Variants in ZNFX1 observed in about 807,000 individuals in gnomAD.
ZNFX1 encodes zinc finger NFX1-type containing 1, also known as NFX1-type zinc finger-containing protein 1.
A neutral mutation model predicts 179.8 loss-of-function variants in ZNFX1; 78 were observed. The ratio of observed to expected loss-of-function variants is 0.43; its 90% CI spans 0.36 to 0.52. ZNFX1 has a LOEUF of 0.52. Ranked by LOEUF, ZNFX1 falls within the 20% of genes least tolerant of loss-of-function variation. The pLI is 0.00. For missense variants in ZNFX1, 1,927 were observed against 2,386.6 expected (o/e 0.81, Z 4.01); for synonymous variants, 848 against 868.5 (o/e 0.98, Z 0.42).
chr20:49,253,530 T>C (rs986703467), intron 11 of ZNFX1, 136 bp downstream of exon 11: 22 of 1,031,232 alleles, frequency 2.1e-5, no homozygotes, highest in Non-Finnish European at 3.1e-5. Flanking sequence ...AGACTGAACG[T>C]GGGAGGTGAA....
At position 49,271,503 on chromosome 20, in the gene ZNFX1, G is replaced by A. The variant is rs1003431516; in HGVS notation, c.309C>T (p.Thr103=). 1 of 1,614,126 alleles carries A rather than the reference G, an allele frequency of 6.2e-7. No homozygotes were observed. The highest frequency in any genetic ancestry group is 1.3e-5 in the African/African-American group (1 of 75,032). ...RDQRHDQEND[T]RWRNGNQDCR... The stretch of plus-strand genomic sequence containing the variant: ...AGTCCTGGTTGCCATTTCTCCACCT[G>A]GTGTCATTCTCCTGGTCATGTCTTT... Residue 103 remains threonine (T), a synonymous_variant, in exon 3 of 14, where the codon ACC becomes ACT. Transcript: ENST00000396105.
intron 3 of ZNFX1, among the ~76,000 whole-genome samples, chr20:49,268,046 T>A (rs1981283657): frequency 6.6e-6 from 1 of 152,076 alleles, no homozygotes; most frequent in African/African-American, 2.4e-5. Context: ...GCTAATTTTT[T>A]TATATTTTTT....
intron 2 of ZNFX1, among the ~76,000 whole-genome samples, chr20:49,272,538 T>C (rs1180930763): frequency 6.6e-6 from 1 of 152,192 alleles, no homozygotes; most frequent in Non-Finnish European, 1.5e-5. Context: ...ACTGGACACA[T>C]TAAAAACTCT....
chr20:49,271,040 A>G lies in ZNFX1; in HGVS notation c.772T>C (p.Phe258Leu), dbSNP rs1382816127. ...ISLLQDLVSV[F>L]PASSVQETSM... ...GTTTCCTGCACAGAGCTGGCAGGGA[A>G]GACACTTACAAGGTCCTGGAGGAGG... The change falls in exon 3 of 14, where the codon TTC becomes CTC. Residue 258 changes from phenylalanine to leucine, a missense_variant. Physicochemically the swap from Phe to Leu is conservative, Grantham distance 22. Transcript: ENST00000396105. 1.2e-6 allele frequency: 2 copies of G among 1,614,058 alleles called. No individual in the cohort carries two copies. The highest frequency in any genetic ancestry group is 8.5e-7 in the Non-Finnish European group (1 of 1,180,034).
intron 7 of ZNFX1, 120 bp downstream of exon 7, chr20:49,260,343 C>A: frequency 6.1e-6 from 3 of 492,716 alleles, no homozygotes; most frequent in Non-Finnish European, 6.8e-6. Context: ...AGCTATTTGT[C>A]TTTCTCTGAT....
At chr20:49,255,970 G>A (rs757807174) in intron 8 of ZNFX1, 23 bp from the exon 9 acceptor site, 2 of 1,612,660 alleles carry the variant, frequency 1.2e-6, no homozygotes. Flanking sequence ...ATACCAGGCA[G>A]GGTACTGTCT....
intron 1 of ZNFX1, among the ~76,000 whole-genome samples, chr20:49,277,650 T>A (rs1402952977): frequency 3.5e-5 from 5 of 142,286 alleles, no homozygotes; most frequent in African/African-American, 1.3e-4. Context: ...CTAAAGAGAG[T>A]ACAGGGGAGC....
Position 49,246,848 on chromosome 20 carries a change from T to C in ZNFX1, c.*419A>G, listed in dbSNP as rs766788359. 4.4e-6 allele frequency: 2 copies of C among 454,362 alleles called. No individual in the cohort carries two copies. Among genetic ancestry groups the C allele is most frequent in the South Asian group, 3.1e-5 (2 of 64,356 alleles). The allele number at this position is 454,362 out of a possible 1,614,324, so 28.1% of individuals were successfully genotyped here. On this transcript the variant is annotated 3_prime_UTR_variant, in exon 14 of 14. Transcript: ENST00000396105. Reference sequence around the variant, plus strand: ...TGAGCCCTAAAAGTGGATCCTTAAGTAGGTGCTAAGACTAAAAAGAATGAT... The same window carrying C: ...TGAGCCCTAAAAGTGGATCCTTAAGCAGGTGCTAAGACTAAAAAGAATGAT...
Position 49,248,326 on chromosome 20 carries a change from G to A in ZNFX1, c.4698C>T (p.His1566=). 1 of 1,614,150 alleles carries A rather than the reference G, an allele frequency of 6.2e-7. No individual in the cohort carries two copies. The highest frequency in any genetic ancestry group is 8.5e-7 in the Non-Finnish European group (1 of 1,180,022). Residue 1566 remains histidine (H), a synonymous_variant, in exon 14 of 14, where the codon CAC becomes CAT. Transcript: ENST00000396105. This position sits in a 1 kb window ranked among gnomAD's most constrained non-coding sequence, Gnocchi z 4.6. ...EPCPKKCRIC[H]MDEVTQIFFG... Reference sequence around the variant, plus strand: ...AGAATATTTGGGTGACCTCATCCATGTGGCAGATCCGGCATTTCTTGGGGC... The same window carrying A: ...AGAATATTTGGGTGACCTCATCCATATGGCAGATCCGGCATTTCTTGGGGC...
Position 49,275,773 on chromosome 20 carries a change from G to A in ZNFX1, c.61+6C>T. ...TCCTTCTCATTAGGTAGGAAACCTT[G>A]CTTACCTCTGTGGTTGGTATGGGAA... is the stretch of plus-strand genomic sequence containing the variant. On this transcript the variant is annotated splice_donor_region_variant and intron_variant, in intron 2 of 13. Coordinates refer to ENST00000396105, the MANE Select transcript of ZNFX1 (RefSeq NM_021035.3). The A allele has an allele frequency of 6.2e-7, 1 of 1,614,004 alleles. No homozygotes were observed.
chr20:49,257,220 T>G (rs373173044), intron 8 of ZNFX1, among the ~76,000 whole-genome samples, 197 bp downstream of exon 8: 78 of 152,324 alleles, frequency 5.1e-4, no homozygotes, highest in African/African-American at 1.7e-3. Flanking sequence ...AGTTGGCATT[T>G]CTTGCCAGAG....
At chr20:49,249,990 C>T (rs1257071191) in intron 13 of ZNFX1, among the ~76,000 whole-genome samples, 1 of 152,148 alleles carries the variant, frequency 6.6e-6, no homozygotes, top group African/African-American at 2.4e-5. Context: ...TACAGTGGCT[C>T]ACGTCTGTAA....
chr20:49,256,037 A>T, intron 8 of ZNFX1, 90 bp from the exon 9 acceptor site: 1 of 1,461,908 alleles, frequency 6.8e-7, no homozygotes, highest in Non-Finnish European at 9.3e-7. Flanking sequence ...CGTAAGAAAA[A>T]GGGCTGGCAT....
In ZNFX1 at chr20:49,252,822, G is replaced by C. The variant is rs1222932015; in HGVS notation, c.3114C>G (p.Pro1038=). The C allele has an allele frequency of 3.7e-6, 6 of 1,613,728 alleles. No homozygotes were observed. In the Admixed American group the frequency reaches 1.0e-4, roughly 27 times the overall value. ...TGGCCAGATCATACACGTTGGCACT[G>C]GGGCGCAGCTGAGAAGAGAAACATG... ...ILIGDHQQLR[P]SANVYDLAKN... is the part of the protein sequence containing the mutation. The change falls in exon 12 of 14, where the codon CCC becomes CCG. Residue 1038 remains proline (P), a synonymous_variant. Transcript: ENST00000396105.
intron 13 of ZNFX1, 36 bp downstream of exon 13, chr20:49,251,491 A>G (rs1980835607): frequency 1.3e-6 from 2 of 1,582,114 alleles, no homozygotes; most frequent in Non-Finnish European, 1.7e-6. Context: ...TAGGTTGCTG[A>G]CACCATCCAA....
chr20:49,270,761 G>A lies in ZNFX1; in HGVS notation c.1051C>T (p.Pro351Ser). The A allele has an allele frequency of 6.2e-7, 1 of 1,614,168 alleles. No homozygotes were observed. Among genetic ancestry groups the A allele is most frequent in the Non-Finnish European group, 8.5e-7 (1 of 1,180,036 alleles). ...TYNEVHLDER[P>S]FLRPNIISGK... is the part of the protein sequence containing the mutation. ...GAAATGATATTGGGGCGAAGGAAGG[G>A]CCTCTCATCCAAGTGCACTTCATTG... Residue 351 changes from proline to serine, a missense_variant, in exon 3 of 14, where the codon CCC (proline) becomes TCC (serine). Transcript: ENST00000396105. The surrounding 1 kb of genome is among the most constrained non-coding windows in gnomAD (Gnocchi z 4.6).
chr20:49,252,167 G>C (rs1200910357), intron 12 of ZNFX1, among the ~76,000 whole-genome samples: 1 of 138,318 alleles, frequency 7.2e-6, no homozygotes, highest in Non-Finnish European at 1.5e-5. Context: ...TTCTGAGACA[G>C]AATCTAGCTC....
rs533351340 is a variant in ZNFX1, at chr20:49,249,431, G to C, written c.3593C>G (p.Ser1198Trp). 7 of 1,614,250 alleles carry C rather than the reference G, an allele frequency of 4.3e-6. No homozygotes were observed. The Admixed American group carries it at 6.7e-5, about 15-fold the overall frequency. ...QGEENDIILLSLVRSNQEGKV... is the reference protein window; with the variant it reads ...QGEENDIILLWLVRSNQEGKV... ...GCCTTCTTGGTTGCTCCGCACTAGCGAGAGGAGGATGATGTCATTCTCTTC... is the reference window on the plus strand; with the variant it reads ...GCCTTCTTGGTTGCTCCGCACTAGCCAGAGGAGGATGATGTCATTCTCTTC... Residue 1198 changes from serine to tryptophan, a missense_variant, in exon 14 of 14, where the codon TCG becomes TGG. By Grantham distance (177) the Ser-to-Trp change is radical (BLOSUM62 -3). Coordinates refer to ENST00000396105, the MANE Select transcript of ZNFX1 (RefSeq NM_021035.3).
At position 49,252,753 on chromosome 20, in the gene ZNFX1, T is replaced by G. The variant is rs751414866; in HGVS notation, c.3183A>C (p.Lys1061Asn). ...LEVSLFERLV[K>N]VNIPFVRLNY... ...TCAGACGGACAAAGGGAATGTTTAC[T>G]TTCACTAGCCGTTCAAAAAGGGACA... The change falls in exon 12 of 14, where the codon AAA becomes AAC. Residue 1061 changes from lysine (K) to asparagine (N), a missense_variant. Coordinates refer to ENST00000396105, the MANE Select transcript of ZNFX1 (RefSeq NM_021035.3). 50 of 1,614,026 alleles carry G rather than the reference T, an allele frequency of 3.1e-5. No homozygotes were observed. Among genetic ancestry groups the G allele is most frequent in the Non-Finnish European group, 3.6e-5 (42 of 1,180,012 alleles).
Sources: allele counts gnomAD v4.1 joint callset (sites outside exome capture counted in the v4.1 genomes callset), GRCh38; gene constraint gnomAD v4.1.1; non-coding constraint Gnocchi (gnomAD v3.1); transcripts MANE v1.5; gene names NCBI Gene and HGNC (gene_info 2026-07-23, HGNC 2026-07-21).